CSMD1: variants seen among roughly 807,000 people sequenced by gnomAD.
The protein encoded by CSMD1 is CUB and Sushi multiple domains 1.
In CSMD1, 213 loss-of-function variants were observed where a neutral mutation model predicts 417.5. That is an observed-to-expected ratio of 0.51 (90% CI 0.46 to 0.57). The LOEUF (loss-of-function observed/expected upper bound fraction) is 0.57. CSMD1 is among the 20% of genes least tolerant of loss of function. The pLI, the probability that CSMD1 is intolerant of heterozygous loss-of-function variation, is 0.00. For synonymous variants in CSMD1, 2,862 were observed against 1,736.8 expected, an observed-to-expected ratio of 1.65 and a Z score of -16.11; for missense variants, 6,923 against 4,529.7, an observed-to-expected ratio of 1.53 and a Z score of -15.17.
intron 5 of CSMD1, among the ~76,000 whole-genome samples, chr8:3,951,132 C>T (rs377266233): frequency 6.6e-6 from 1 of 152,148 alleles, no homozygotes; most frequent in Non-Finnish European, 1.5e-5. Flanking sequence ...CAGGAGATGT[C>T]TCAAAGTTGT....
intron 3 of CSMD1, among the ~76,000 whole-genome samples, chr8:4,074,526 G>T (rs947303541): frequency 6.6e-6 from 1 of 152,024 alleles, no homozygotes; most frequent in East Asian, 1.9e-4. Flanking sequence ...TGATATTTGA[G>T]AACATGAGCT....
intron 1 of CSMD1, among the ~76,000 whole-genome samples, chr8:4,661,619 GA>G (rs1804612816): frequency 6.6e-6 from 1 of 152,106 alleles, no homozygotes; most frequent in South Asian, 2.1e-4. Context: ...GGCTTTGCAA[GA>G]TGTTACCGTA....
chr8:3,456,408 T>C (rs533912706), intron 12 of CSMD1, among the ~76,000 whole-genome samples: 1 of 152,288 alleles, frequency 6.6e-6, no homozygotes, highest in South Asian at 2.1e-4. Flanking sequence ...AGCTGTAGAC[T>C]GGAGCTGTTC....
At position 3,902,848 on chromosome 8, in the gene CSMD1, A is replaced by C. The variant is rs1245013569; in HGVS notation, c.818+95055T>G. ...CTGACTGGCCCATCTTGGATACTGA[A>C]TAAATAGTAGCTACATCCAACTTTC... On this transcript the variant is annotated intron_variant, in intron 5 of 69. Transcript: ENST00000635120. Among the ~76,000 whole-genome samples, 3 of 149,214 alleles carry C rather than the reference A, an allele frequency of 2.0e-5. No individual in the cohort carries two copies. The East Asian group carries it at 6.1e-4, about 30-fold the overall frequency.
chr8:4,969,003 G>C (rs1277708715), intron 1 of CSMD1, among the ~76,000 whole-genome samples: 1 of 152,140 alleles, frequency 6.6e-6, no homozygotes, highest in African/African-American at 2.4e-5. Flanking sequence ...ATGAAACCAA[G>C]ATACTGTCGC....
At chr8:4,789,624 T>C (rs1397499284) in intron 1 of CSMD1, among the ~76,000 whole-genome samples, 1 of 152,128 alleles carries the variant, frequency 6.6e-6, no homozygotes, top group African/African-American at 2.4e-5. Flanking sequence ...GTGGGGAAGT[T>C]TGTGTTGCAT....
chr8:4,775,361 G>C lies in CSMD1; in HGVS notation c.86-137803C>G, dbSNP rs371545073. Among the ~76,000 whole-genome samples the C allele has an allele frequency of 1.1e-4, 17 of 152,152 alleles. No individual in the cohort carries two copies. In the East Asian group the frequency reaches 1.7e-3, roughly 16 times the overall value. On this transcript the variant is annotated intron_variant, in intron 1 of 69. Coordinates refer to ENST00000635120, the MANE Select transcript of CSMD1 (RefSeq NM_033225.6). ...GGAAGGAACACTACGAATTTTTATA[G>C]AAAAGTGTTATTCAAAGATAGTGTT...
At chr8:4,030,395 C>G (rs34191265) in intron 4 of CSMD1, among the ~76,000 whole-genome samples, 5 of 152,138 alleles carry the variant, frequency 3.3e-5, no homozygotes, top group Non-Finnish European at 2.9e-5. Context: ...TCTACACATT[C>G]GCAGGCTCAA....
At chr8:4,539,280 TATGCATATGTGGGATGTAAA>T (rs1198929707) in intron 2 of CSMD1, among the ~76,000 whole-genome samples, 2 of 152,210 alleles carry the variant, frequency 1.3e-5, no homozygotes, top group African/African-American at 4.8e-5. Flanking sequence ...TGGAAGATAG[TATGCATATGTGGGATGTAAA>T]ATATATCTTT....
chr8:4,752,083 CTGTG>C (rs10561767), intron 1 of CSMD1, among the ~76,000 whole-genome samples: 3 of 151,760 alleles, frequency 2.0e-5, no homozygotes, highest in Non-Finnish European at 2.9e-5. Context: ...ATATTCATGT[CTGTG>C]TGTGTGTACA....
At chr8:4,799,040 G>A (rs78186829) in intron 1 of CSMD1, among the ~76,000 whole-genome samples, 23 of 152,240 alleles carry the variant, frequency 1.5e-4, no homozygotes, top group South Asian at 8.3e-4. Flanking sequence ...CAGCAGGAGC[G>A]TGGGCTGGTG....
chr8:3,717,929 A>G (rs1388385447), intron 6 of CSMD1, among the ~76,000 whole-genome samples: 1 of 152,166 alleles, frequency 6.6e-6, no homozygotes, highest in Non-Finnish European at 1.5e-5. Flanking sequence ...TCTTTAGTCA[A>G]GGCTGTTAAT....
At chr8:3,589,233 C>A (rs567794751) in intron 8 of CSMD1, among the ~76,000 whole-genome samples, 9 of 152,224 alleles carry the variant, frequency 5.9e-5, no homozygotes, top group Admixed American at 2.0e-4. Context: ...AATTTCACTT[C>A]TGATCCTATA....
chr8:4,594,337 G>A (rs1248713718), intron 2 of CSMD1, among the ~76,000 whole-genome samples: 4 of 151,384 alleles, frequency 2.6e-5, no homozygotes, highest in Non-Finnish European at 5.9e-5. Flanking sequence ...TTGAGTAGCT[G>A]GGAATACAGG....
At chr8:4,937,072 G>A (rs1446742790) in intron 1 of CSMD1, among the ~76,000 whole-genome samples, 4 of 152,074 alleles carry the variant, frequency 2.6e-5, no homozygotes, top group Admixed American at 2.0e-4. Context: ...AATTAGCCAG[G>A]CATTGTGGCA....
At chr8:4,519,188 T>G (rs138938551) in intron 2 of CSMD1, among the ~76,000 whole-genome samples, 32 of 152,250 alleles carry the variant, frequency 2.1e-4, no homozygotes, top group African/African-American at 7.2e-4. Flanking sequence ...GATTCCCTAA[T>G]AAATTACTAG....
At chr8:3,800,058 G>A (rs1310888933) in intron 5 of CSMD1, among the ~76,000 whole-genome samples, 3 of 152,062 alleles carry the variant, frequency 2.0e-5, no homozygotes, top group African/African-American at 7.2e-5. Flanking sequence ...CTGAAATATG[G>A]AGAAAAACAT....
At chr8:4,485,174 G>C (rs1293504485) in intron 2 of CSMD1, among the ~76,000 whole-genome samples, 1 of 151,964 alleles carries the variant, frequency 6.6e-6, no homozygotes, top group Non-Finnish European at 1.5e-5. Context: ...CTACTGATTT[G>C]TATAAAGAGA....
chr8:4,574,901 C>T (rs560809623), intron 2 of CSMD1, among the ~76,000 whole-genome samples: 6 of 152,314 alleles, frequency 3.9e-5, no homozygotes, highest in African/African-American at 1.4e-4. Context: ...GAAAGAATAA[C>T]ATACACACAT....
Sources: allele counts gnomAD v4.1 joint callset (sites outside exome capture counted in the v4.1 genomes callset), GRCh38; gene constraint gnomAD v4.1.1; transcripts MANE v1.5; gene names NCBI Gene and HGNC (gene_info 2026-07-23, HGNC 2026-07-21).